The following AFAP1L2 variants were observed in gnomAD, a reference collection of about 807,000 sequenced individuals.
AFAP1L2 encodes actin filament associated protein 1 like 2.
AFAP1L2 carries 46 observed loss-of-function variants against 99.3 expected under a neutral mutation model. The observed-to-expected ratio is 0.46, with a 90% CI of 0.37 to 0.59. The LOEUF (loss-of-function observed/expected upper bound fraction) is 0.59. AFAP1L2 is among the 20% of genes least tolerant of loss of function. The pLI is 0.00. For synonymous variants in AFAP1L2, 397 were observed against 419.1 expected, an observed-to-expected ratio of 0.95 and a Z score of 0.64; for missense variants, 959 against 1,034.9, an observed-to-expected ratio of 0.93 and a Z score of 1.01.
At chr10:114,291,974 T>C (rs1237948901), downstream of AFAP1L2, among the ~76,000 whole-genome samples, 1 of 152,006 alleles carries the variant, frequency 6.6e-6, no homozygotes, top group Non-Finnish European at 1.5e-5. Flanking sequence ...ACCTGAAGGG[T>C]CTTCCTTTCA....
At chr10:114,327,708 T>C (rs1203865080) in intron 4 of AFAP1L2, among the ~76,000 whole-genome samples, 2 of 152,232 alleles carry the variant, frequency 1.3e-5, no homozygotes, top group African/African-American at 4.8e-5. Context: ...TAAATAAGGC[T>C]GGCTGTGTTC....
intron 1 of AFAP1L2, among the ~76,000 whole-genome samples, chr10:114,393,800 C>T (rs2057398344): frequency 6.6e-6 from 1 of 152,242 alleles, no homozygotes; most frequent in Non-Finnish European, 1.5e-5. Flanking sequence ...TACACCAAAG[C>T]AGCCTCAGAA....
chr10:114,300,197 C>T lies in AFAP1L2; in HGVS notation c.1954G>A (p.Ala652Thr). Residue 652 changes from alanine (A) to threonine (T), a missense_variant, in exon 15 of 19, where the codon GCA becomes ACA. Ala to Thr is a moderately conservative substitution (Grantham distance 58, BLOSUM62 0). Transcript: ENST00000304129. ...TAACTTCCCCAAGCACAAGTACCTG[C>T]ACTGGTCACGCGCAACCTGTCCTTC... ...PVKDRLRVTS[A>T]EIKLGKNRTE... 6.2e-7 allele frequency: 1 copy of T among 1,614,202 alleles called. No individual in the cohort carries two copies. The highest frequency in any genetic ancestry group is 8.5e-7 in the Non-Finnish European group (1 of 1,180,040).
intron 1 of AFAP1L2, among the ~76,000 whole-genome samples, chr10:114,356,786 G>A (rs2051454001): frequency 6.6e-6 from 1 of 152,198 alleles, no homozygotes; most frequent in Non-Finnish European, 1.5e-5. Context: ...AAGGAAAGAA[G>A]AAAGGTTATT....
the AFAP1L2 span, chr10:114,288,836 C>T: frequency 1.6e-6 from 2 of 1,254,236 alleles, no homozygotes; most frequent in Non-Finnish European, 2.2e-6. Context: ...AACAGAGCAC[C>T]CTGGCTGACC....
chr10:114,346,326 G>C (rs143873478), intron 1 of AFAP1L2, among the ~76,000 whole-genome samples: 2 of 152,176 alleles, frequency 1.3e-5, no homozygotes, highest in Non-Finnish European at 2.9e-5. Context: ...GCGCATAGTC[G>C]TCTGGGTGTG....
At chr10:114,365,654 A>G (rs1311871241) in intron 1 of AFAP1L2, among the ~76,000 whole-genome samples, 2 of 151,660 alleles carry the variant, frequency 1.3e-5, no homozygotes, top group Non-Finnish European at 2.9e-5. Context: ...AAATCCAGTT[A>G]CCATGATGGA....
chr10:114,290,277 G>A (rs773604676), downstream of AFAP1L2: 62 of 1,550,432 alleles, frequency 4.0e-5, 1 homozygote, highest in South Asian at 4.3e-4. Context: ...AACCCAGCCC[G>A]TGCATGAATG....
intron 1 of AFAP1L2, among the ~76,000 whole-genome samples, chr10:114,383,986 G>A (rs906189482): frequency 6.6e-6 from 1 of 152,092 alleles, no homozygotes; most frequent in African/African-American, 2.4e-5. Flanking sequence ...CCCGCCTTCC[G>A]GTCCTGCCCC....
intron 8 of AFAP1L2, 41 bp downstream of exon 8, chr10:114,310,313 C>T (rs757577186): frequency 6.4e-6 from 10 of 1,560,566 alleles, no homozygotes; most frequent in Non-Finnish European, 8.6e-6. Context: ...ACAGAGAAAA[C>T]ATGGAAGGGG....
Position 114,339,334 on chromosome 10 carries a change from C to T in AFAP1L2, c.145+1269G>A, listed in dbSNP as rs1345769862. On this transcript the variant is annotated intron_variant, in intron 2 of 18. Transcript: ENST00000304129. ...CAGTGGCGGGCGCCTGTAGTCCCAG[C>T]TACTCGGGAGGCTGAGGCAGGAGAA... is the stretch of plus-strand genomic sequence containing the variant. Among the ~76,000 whole-genome samples, 5 of 152,302 alleles carry T rather than the reference C, an allele frequency of 3.3e-5. No individual in the cohort carries two copies. The East Asian group carries it at 5.8e-4, about 18-fold the overall frequency.
At chr10:114,360,262 G>A (rs2052052947) in intron 1 of AFAP1L2, among the ~76,000 whole-genome samples, 1 of 152,104 alleles carries the variant, frequency 6.6e-6, no homozygotes, top group South Asian at 2.1e-4. Flanking sequence ...TAAAAAGTTG[G>A]CTCTTCTTGG....
chr10:114,361,001 T>C (rs61868287), intron 1 of AFAP1L2, among the ~76,000 whole-genome samples: 22,096 of 152,154 alleles, frequency 0.15, 1,782 homozygotes, highest in East Asian at 0.26. Context: ...GAACTCGCAG[T>C]TCCACATGGC....
At chr10:114,293,784 T>G (rs1402466471), downstream of AFAP1L2, among the ~76,000 whole-genome samples, 1 of 152,220 alleles carries the variant, frequency 6.6e-6, no homozygotes, top group East Asian at 1.9e-4. Flanking sequence ...TCTAGAGAAA[T>G]ATTTCCAAAT....
At chr10:114,324,969 C>T (rs1256644606) in intron 4 of AFAP1L2, among the ~76,000 whole-genome samples, 1 of 152,198 alleles carries the variant, frequency 6.6e-6, no homozygotes, top group Non-Finnish European at 1.5e-5. Context: ...GTGGGACAGT[C>T]CTCAGCCTGG....
At chr10:114,334,420 C>T (rs1398449422) in intron 2 of AFAP1L2, among the ~76,000 whole-genome samples, 1 of 152,206 alleles carries the variant, frequency 6.6e-6, no homozygotes, top group African/African-American at 2.4e-5. Context: ...TGGTTAGAGA[C>T]CGCGTTACTG....
At chr10:114,336,624 C>G (rs2048013044) in intron 2 of AFAP1L2, among the ~76,000 whole-genome samples, 2 of 146,006 alleles carry the variant, frequency 1.4e-5, no homozygotes, top group South Asian at 4.3e-4. Context: ...TTTGCTACCA[C>G]TGGATACAGA....
Position 114,404,468 on chromosome 10 carries a change from G to C in AFAP1L2, c.-13C>G. Reference sequence around the variant, plus strand: ...TGTACCGCTCCATCGGGGCCACGGAGTGCGCTCCTCGCGGCTCGGCTTCTG... The same window carrying C: ...TGTACCGCTCCATCGGGGCCACGGACTGCGCTCCTCGCGGCTCGGCTTCTG... On this transcript the variant is annotated 5_prime_UTR_variant, in exon 1 of 19. Coordinates refer to ENST00000304129, the MANE Select transcript of AFAP1L2 (RefSeq NM_001001936.3). The C allele has an allele frequency of 1.3e-6, 2 of 1,538,148 alleles. No homozygotes were observed. The highest frequency in any genetic ancestry group is 2.0e-5 in the Admixed American group (1 of 50,782).
At chr10:114,317,938 G>C (rs1291908506) in intron 5 of AFAP1L2, among the ~76,000 whole-genome samples, 1 of 152,170 alleles carries the variant, frequency 6.6e-6, no homozygotes, top group African/African-American at 2.4e-5. Context: ...CAGCAGAAGG[G>C]GACTGGGTAA....
Sources: allele counts gnomAD v4.1 joint callset (sites outside exome capture counted in the v4.1 genomes callset), GRCh38; gene constraint gnomAD v4.1.1; transcripts MANE v1.5; gene names NCBI Gene and HGNC (gene_info 2026-07-23, HGNC 2026-07-21).